SNRPA1: variants seen among roughly 807,000 people sequenced by gnomAD.
The protein encoded by SNRPA1 is U2 small nuclear ribonucleoprotein A'.
In SNRPA1, 5 loss-of-function variants were observed where a neutral mutation model predicts 32.3. The observed-to-expected ratio is 0.15, with a 90% CI of 0.08 to 0.33. SNRPA1 has a LOEUF of 0.33. Ranked by LOEUF, SNRPA1 falls within the 10% of genes least tolerant of loss-of-function variation. The probability of loss-of-function intolerance (pLI) is 1.00; values close to 1 mark genes in which losing one functional copy is unlikely to be tolerated. For synonymous variants in SNRPA1, 111 were observed against 120.1 expected, an observed-to-expected ratio of 0.92 and a Z score of 0.50; for missense variants, 198 against 311.1, an observed-to-expected ratio of 0.64 and a Z score of 2.74.
At chr15:101,292,204 G>T (rs1289646499) in intron 2 of SNRPA1, among the ~76,000 whole-genome samples, 164 bp from the exon 3 acceptor site, 1 of 152,176 alleles carries the variant, frequency 6.6e-6, no homozygotes, top group Non-Finnish European at 1.5e-5. Context: ...AGGCCACAGG[G>T]TCAGCAACAG....
chr15:101,287,876 A>T, intron 3 of SNRPA1, 174 bp from the exon 4 acceptor site: 1 of 585,168 alleles, frequency 1.7e-6, no homozygotes, highest in East Asian at 2.9e-5. Context: ...CTACCGATGA[A>T]TACATGGGAG....
chr15:101,284,686 G>C (rs2039435483), intron 8 of SNRPA1: 1 of 262,660 alleles, frequency 3.8e-6, no homozygotes, highest in African/African-American at 2.2e-5. Flanking sequence ...ATTTTTAGTA[G>C]AGATGGGGTT....
At position 101,285,040 on chromosome 15, in the gene SNRPA1, T is replaced by A. The variant is rs1278858237; in HGVS notation, c.636A>T (p.Ser212=). The A allele has an allele frequency of 1.9e-6, 3 of 1,613,748 alleles. No individual in the cohort carries two copies. The African/African-American group carries it at 4.0e-5, about 22-fold the overall frequency. ...TCAGCCTCTCCACTTCAGCCAGAGT[T>A]GAAGCATTTGCTATGGCATTCTGGA... ...EAIKNAIANA[S]TLAEVERLKG... is the part of the protein sequence containing the mutation. The change falls in exon 8 of 9, where the codon TCA becomes TCT. Residue 212 remains serine (S), a synonymous_variant. Transcript: ENST00000254193.
rs145302917 is a variant in SNRPA1, at chr15:101,284,976, G to A, written c.700C>T (p.Arg234Cys). Residue 234 changes from arginine (R) to cysteine (C), a missense_variant, in exon 8 of 9, where the codon CGC becomes TGC. This residue lies in a region of SNRPA1 where 77 missense variants were observed against 120.1 expected (regional missense o/e 0.64). Transcript: ENST00000254193. ...AACACCATTTGTTCACCTGATCTGC[G>A]TTCTCTGCCAGGGATCTGACCAGAC... is the stretch of plus-strand genomic sequence containing the variant. The part of the protein sequence containing the change: ...LQSGQIPGRE[R>C]RSGPTDDGEE... 56 of 1,612,324 alleles carry A rather than the reference G, an allele frequency of 3.5e-5. No individual in the cohort carries two copies. Among genetic ancestry groups the A allele is most frequent in the Non-Finnish European group, 4.5e-5 (53 of 1,178,512 alleles).
chr15:101,282,753 C>G (rs940877419), intron 8 of SNRPA1, among the ~76,000 whole-genome samples: 1 of 152,196 alleles, frequency 6.6e-6, no homozygotes, highest in Non-Finnish European at 1.5e-5. Context: ...TTCACATGCA[C>G]ATAACATTAC....
At chr15:101,286,144 C>T (rs936093383) in intron 6 of SNRPA1, 70 bp downstream of exon 6, 36 of 1,330,888 alleles carry the variant, frequency 2.7e-5, no homozygotes, top group East Asian at 1.6e-4. Flanking sequence ...TTGTAGGAGA[C>T]GAACTGCCAG....
intron 1 of SNRPA1, among the ~76,000 whole-genome samples, chr15:101,293,968 T>C (rs1418772654): frequency 6.6e-6 from 1 of 152,182 alleles, no homozygotes; most frequent in Non-Finnish European, 1.5e-5. Flanking sequence ...GCGCAGTGGC[T>C]CAAGCCTGTA....
intron 8 of SNRPA1, among the ~76,000 whole-genome samples, chr15:101,283,048 TTTAA>T (rs1217187581): frequency 6.6e-6 from 1 of 151,974 alleles, no homozygotes; most frequent in South Asian, 2.1e-4. Flanking sequence ...AGGAGTGATA[TTTAA>T]TTATCTTTAC....
chr15:101,284,764 A>G, intron 8 of SNRPA1: 1 of 423,822 alleles, frequency 2.4e-6, no homozygotes, highest in Non-Finnish European at 4.5e-6. Context: ...AGGCTCCCAA[A>G]GTGCTGGGAT....
chr15:101,286,505 G>A lies in SNRPA1; in HGVS notation c.460-212C>T, dbSNP rs144944450. On this transcript the variant is annotated intron_variant, in intron 5 of 8. Transcript: ENST00000254193. ...TTCATTCTCCTAGCTCCAAGGAGGG[G>A]ATCCCAGGGAACTAAGAAGGCAATT... The A allele has an allele frequency of 9.8e-3, 4,963 of 507,094 alleles. 27 individuals are homozygous for A. Among genetic ancestry groups the A allele is most frequent in the Admixed American group, 0.013 (355 of 26,754 alleles). The allele number at this position is 507,094 out of a possible 1,614,324, so 31.4% of individuals were successfully genotyped here. A position where few individuals can be genotyped will look rare whatever the true frequency, so the allele number is the denominator to read the frequency against.
At chr15:101,281,910 A>T in intron 8 of SNRPA1, 128 bp from the exon 9 acceptor site, 3 of 851,144 alleles carry the variant, frequency 3.5e-6, no homozygotes, top group Non-Finnish European at 5.8e-6. Flanking sequence ...CAAAAGCAGC[A>T]CCTGCCTTTG....
chr15:101,292,847 T>C (rs1409249141), intron 2 of SNRPA1, 178 bp downstream of exon 2: 1 of 404,390 alleles, frequency 2.5e-6, no homozygotes, highest in Non-Finnish European at 4.4e-6. Flanking sequence ...AGAAAAAACA[T>C]GTATTGAATG....
At chr15:101,286,343 A>C (rs373349931) in intron 5 of SNRPA1, 50 bp from the exon 6 acceptor site, 13 of 1,508,700 alleles carry the variant, frequency 8.6e-6, no homozygotes, top group Middle Eastern at 3.4e-4. Context: ...TACCACATGC[A>C]TTTAGATGCA....
intron 8 of SNRPA1, among the ~76,000 whole-genome samples, chr15:101,282,645 G>C (rs532478558): frequency 6.6e-6 from 1 of 152,108 alleles, no homozygotes; most frequent in African/African-American, 2.4e-5. Context: ...ACCCGTACAT[G>C]ATTTCGTATC....
chr15:101,284,963 T>C lies in SNRPA1; in HGVS notation c.709+4A>G, dbSNP rs2039438770. The C allele has an allele frequency of 6.2e-7, 1 of 1,608,474 alleles. No individual in the cohort carries two copies. The highest frequency in any genetic ancestry group is 8.5e-7 in the Non-Finnish European group (1 of 1,174,942). ...TGAACATACAAAGAACACCATTTGTTCACCTGATCTGCGTTCTCTGCCAGG... is the reference window on the plus strand; with the variant it reads ...TGAACATACAAAGAACACCATTTGTCCACCTGATCTGCGTTCTCTGCCAGG... On this transcript the variant is annotated splice_donor_region_variant and intron_variant, in intron 8 of 8. Coordinates refer to ENST00000254193, the MANE Select transcript of SNRPA1 (RefSeq NM_003090.4).
At chr15:101,285,641 A>C in intron 7 of SNRPA1, 85 bp downstream of exon 7, 2 of 900,768 alleles carry the variant, frequency 2.2e-6, no homozygotes, top group Non-Finnish European at 3.6e-6. Flanking sequence ...GAAATCTGCA[A>C]TGTTCGGAAC....
chr15:101,290,329 C>A (rs34883767), intron 3 of SNRPA1, among the ~76,000 whole-genome samples: 53,094 of 151,962 alleles, frequency 0.35, 9,291 homozygotes, highest in Middle Eastern at 0.39. Flanking sequence ...AAATACAACT[C>A]TAATTTCTCT....
chr15:101,292,590 T>TA (rs10581943), intron 2 of SNRPA1, among the ~76,000 whole-genome samples: 2,622 of 146,380 alleles, frequency 0.018, 45 homozygotes, highest in Non-Finnish European at 0.028. Context: ...TAGTTGCAGT[T>TA]AAAAAAAAAA....
At chr15:101,288,105 G>T in intron 3 of SNRPA1, 1 of 206,130 alleles carries the variant, frequency 4.9e-6, no homozygotes. Flanking sequence ...CAGCGTCTAA[G>T]AACAACAAAG....
Sources: gnomAD v4.1 joint callset for allele counts (sites outside exome capture counted in the v4.1 genomes callset) on GRCh38, gnomAD v4.1.1 for gene constraint, gnomAD v4.1.1 regional missense constraint, MANE v1.5 for transcripts, NCBI Gene and HGNC (gene_info 2026-07-23, HGNC 2026-07-21) for gene names.